Variants in KCNH1 observed in about 807,000 individuals in gnomAD.
KCNH1 encodes the protein voltage-gated delayed rectifier potassium channel KCNH1.
Under a neutral mutation model 69.2 loss-of-function variants are expected in KCNH1, and 27 were observed. The ratio of observed to expected loss-of-function variants is 0.39; its 90% confidence interval spans 0.29 to 0.54. The LOEUF (loss-of-function observed/expected upper bound fraction) is 0.54. Ranked by LOEUF, KCNH1 falls within the 20% of genes least tolerant of loss-of-function variation. KCNH1 has a pLI of 0.68. For synonymous variants in KCNH1, 456 were observed against 487.7 expected, an observed-to-expected ratio of 0.93 and a Z score of 0.86; for missense variants, 798 against 1,261.6, an observed-to-expected ratio of 0.63 and a Z score of 5.57.
At chr1:210,985,327 T>C (rs4638187) in intron 6 of KCNH1, among the ~76,000 whole-genome samples, 50,157 of 151,964 alleles carry the variant, frequency 0.33, 8,695 homozygotes, top group Non-Finnish European at 0.38. Context: ...TCTGCTAGCT[T>C]TTGAATGAGT....
intron 3 of KCNH1, among the ~76,000 whole-genome samples, chr1:211,092,327 C>A (rs1425024766): frequency 1.3e-5 from 2 of 152,192 alleles, no homozygotes; most frequent in Non-Finnish European, 2.9e-5. Flanking sequence ...AGCTTGACAA[C>A]AGCTACTTTA....
At chr1:210,812,004 G>A (rs1485761253) in intron 7 of KCNH1, among the ~76,000 whole-genome samples, 1 of 152,114 alleles carries the variant, frequency 6.6e-6, no homozygotes, top group Non-Finnish European at 1.5e-5. Context: ...TCATGAGTGG[G>A]CCCTAGAGAA....
chr1:210,793,296 T>C (rs1684245898), intron 9 of KCNH1, among the ~76,000 whole-genome samples: 1 of 152,106 alleles, frequency 6.6e-6, no homozygotes, highest in Non-Finnish European at 1.5e-5. Context: ...TGTGATCAGG[T>C]CAGGAAAACA....
In KCNH1 at chr1:210,896,660, T is replaced by C. The variant is rs561005219; in HGVS notation, c.1462+22980A>G. ...AAAAGTGGAGGCTCTTTCCAGAACA[T>C]TCTGGGTTTCTGGTGTCTAGCAACT... On this transcript the variant is annotated intron_variant, in intron 7 of 10. Transcript: ENST00000271751. 6.2e-4 allele frequency among the ~76,000 whole-genome samples: 94 copies of C among 152,294 alleles called. 1 individual carries two copies. Among genetic ancestry groups the C allele is most frequent in the African/African-American group, 2.1e-3 (89 of 41,552 alleles).
intron 10 of KCNH1, among the ~76,000 whole-genome samples, chr1:210,747,155 G>A (rs1683178964): frequency 6.6e-6 from 1 of 152,130 alleles, no homozygotes; most frequent in East Asian, 1.9e-4. Context: ...TAAGCAGAGA[G>A]GAATTACCAA....
chr1:210,701,762 T>C (rs1045313466), intron 10 of KCNH1, among the ~76,000 whole-genome samples: 15 of 152,094 alleles, frequency 9.9e-5, no homozygotes, highest in African/African-American at 3.1e-4. Flanking sequence ...TCCATTTTTT[T>C]CCCCCAGAGA....
intron 9 of KCNH1, among the ~76,000 whole-genome samples, chr1:210,780,891 C>G (rs181585256): frequency 3.9e-5 from 6 of 151,928 alleles, no homozygotes; most frequent in African/African-American, 1.5e-4. Context: ...ACTAAAAATA[C>G]AAAAAATTAG....
intron 6 of KCNH1, among the ~76,000 whole-genome samples, chr1:210,976,156 T>C (rs1558549587): frequency 1.3e-5 from 2 of 152,064 alleles, no homozygotes; most frequent in Non-Finnish European, 2.9e-5. Context: ...TTGGTGGGAC[T>C]GTAAACGAGT....
chr1:210,976,078 A>G (rs1317398778), intron 6 of KCNH1, among the ~76,000 whole-genome samples: 9 of 152,066 alleles, frequency 5.9e-5, no homozygotes, highest in Admixed American at 4.6e-4. Flanking sequence ...TTAGAATGGC[A>G]ATCATTAAAA....
intron 6 of KCNH1, among the ~76,000 whole-genome samples, chr1:211,007,455 T>C (rs1689306267): frequency 6.6e-6 from 1 of 152,046 alleles, no homozygotes; most frequent in African/African-American, 2.4e-5. Context: ...CCAAAGAAAA[T>C]CTCCTTCTCC....
chr1:210,839,808 T>C (rs978649396), intron 7 of KCNH1, among the ~76,000 whole-genome samples: 11 of 152,160 alleles, frequency 7.2e-5, no homozygotes, highest in Non-Finnish European at 1.3e-4. Context: ...AGATAGACTT[T>C]TAAAGAAAAA....
Position 211,094,693 on chromosome 1 carries a change from G to C in KCNH1, c.311-4003C>G, listed in dbSNP as rs192602108. 2.2e-3 allele frequency among the ~76,000 whole-genome samples: 340 copies of C among 152,202 alleles called. 1 individual carries two copies. Among genetic ancestry groups the C allele is most frequent in the African/African-American group, 7.8e-3 (322 of 41,502 alleles). On this transcript the variant is annotated intron_variant, in intron 3 of 10. Coordinates refer to ENST00000271751, the MANE Select transcript of KCNH1 (RefSeq NM_172362.3). ...CAGCCTTGGTGGGTTAGGTGCTCTA[G>C]GAATGCTAAATTTAAAAAAATAAAT...
At chr1:210,871,270 A>G (rs893486368) in intron 7 of KCNH1, among the ~76,000 whole-genome samples, 7 of 152,238 alleles carry the variant, frequency 4.6e-5, no homozygotes, top group Non-Finnish European at 1.0e-4. Flanking sequence ...TCTAAAGAAG[A>G]CATTTATGCA....
Position 210,942,083 on chromosome 1 carries a change from C to G in KCNH1, c.1033-22014G>C, listed in dbSNP as rs542086545. Among the ~76,000 whole-genome samples, 944 of 152,240 alleles carry G rather than the reference C, an allele frequency of 6.2e-3. 6 individuals are homozygous for G. The highest frequency in any genetic ancestry group is 0.014 in the Middle Eastern group (4 of 294). On this transcript the variant is annotated intron_variant, in intron 6 of 10. Transcript: ENST00000271751. ...AGATTTGTAAAGAAAATTATGGCTT[C>G]TTTAAAAGGCTTCCAGTAAATATAT...
intron 6 of KCNH1, among the ~76,000 whole-genome samples, chr1:210,998,222 G>C (rs775081180): frequency 1.4e-4 from 21 of 152,140 alleles, no homozygotes; most frequent in Non-Finnish European, 2.4e-4. Flanking sequence ...CTGGCAAATT[G>C]GACAAAGAGT....
In KCNH1 at chr1:210,935,120, TCACACACACACACACACACACA is replaced by T. The variant is rs10588037; in HGVS notation, c.1033-15073_1033-15052del. Among the ~76,000 whole-genome samples, 107 of 129,232 alleles carry T rather than the reference TCACACACACACACACACACACA, an allele frequency of 8.3e-4. 1 individual carries two copies. The South Asian group carries it at 0.025, about 30-fold the overall frequency. The allele number at this position is 129,232 out of a possible 152,430, so 84.8% of individuals were successfully genotyped here. A position where few individuals can be genotyped will look rare whatever the true frequency, so the allele number is the denominator to read the frequency against. On this transcript the variant is annotated intron_variant, in intron 6 of 10. Coordinates refer to ENST00000271751, the MANE Select transcript of KCNH1 (RefSeq NM_172362.3). ...AACAGATAAATGGGCAAAGAAAATGTCACACACACACACACACACACACACACACACACACACACACACACGA... is the reference window on the plus strand; with the variant it reads ...AACAGATAAATGGGCAAAGAAAATGTCACACACACACACACACACACACGA...
At chr1:210,748,229 G>A (rs1033530742) in intron 10 of KCNH1, among the ~76,000 whole-genome samples, 1 of 152,188 alleles carries the variant, frequency 6.6e-6, no homozygotes. Flanking sequence ...CGCAGGAGTG[G>A]GATAGTGGGT....
chr1:210,842,386 TAGAC>T (rs1406845533), intron 7 of KCNH1, among the ~76,000 whole-genome samples: 1 of 152,120 alleles, frequency 6.6e-6, no homozygotes, highest in Non-Finnish European at 1.5e-5. Flanking sequence ...GGTTGGCAGA[TAGAC>T]AGGGAACACA....
At chr1:210,963,666 T>C (rs1383962605) in intron 6 of KCNH1, among the ~76,000 whole-genome samples, 1 of 151,872 alleles carries the variant, frequency 6.6e-6, no homozygotes, top group Non-Finnish European at 1.5e-5. Flanking sequence ...AATAGCCGAA[T>C]TGATCAAGCG....
Sources: allele counts gnomAD v4.1 joint callset (sites outside exome capture counted in the v4.1 genomes callset), GRCh38; gene constraint gnomAD v4.1.1; transcripts MANE v1.5; gene names NCBI Gene and HGNC (gene_info 2026-07-23, HGNC 2026-07-21).